The following KLHL20 variants were observed in gnomAD, a reference collection of about 807,000 sequenced individuals.
KLHL20 encodes kelch like family member 20, also known as kelch-like protein 20.
A neutral mutation model predicts 69.5 loss-of-function variants in KLHL20; 29 were observed. That is an observed-to-expected ratio of 0.42 (90% CI 0.31 to 0.57). KLHL20 has a LOEUF of 0.57. Among genes scored for constraint, KLHL20 ranks in the 20% least tolerant of loss-of-function variants. KLHL20 has a pLI of 0.18. For synonymous variants in KLHL20, 253 were observed against 265.2 expected (o/e 0.95, Z 0.45); for missense variants, 419 against 776.0 (o/e 0.54, Z 5.47).
chr1:173,763,280 A>G (rs541962867), intron 7 of KLHL20, among the ~76,000 whole-genome samples: 4 of 152,370 alleles, frequency 2.6e-5, no homozygotes, highest in Non-Finnish European at 5.9e-5. Flanking sequence ...ATGGATGGGT[A>G]GAATCAATAT....
At chr1:173,758,261 A>G (rs887528583) in intron 7 of KLHL20, among the ~76,000 whole-genome samples, 1 of 151,116 alleles carries the variant, frequency 6.6e-6, no homozygotes, top group Non-Finnish European at 1.5e-5. Context: ...ACAGAGCAAG[A>G]CTCTCTCAAA....
chr1:173,771,336 C>A (rs966281036), intron 8 of KLHL20, among the ~76,000 whole-genome samples: 1 of 152,062 alleles, frequency 6.6e-6, no homozygotes, highest in African/African-American at 2.4e-5. Flanking sequence ...ACTAGGAGTT[C>A]AAGGCTGCAG....
At chr1:173,724,015 A>C (rs946829617) in intron 2 of KLHL20, among the ~76,000 whole-genome samples, 3 of 152,146 alleles carry the variant, frequency 2.0e-5, no homozygotes, top group Non-Finnish European at 4.4e-5. Flanking sequence ...TTGAGGTATA[A>C]TTGAGGTACA....
At chr1:173,769,778 C>T in intron 8 of KLHL20, among the ~76,000 whole-genome samples, 1 of 109,288 alleles carries the variant, frequency 9.2e-6, no homozygotes, top group African/African-American at 4.0e-5. Flanking sequence ...GAGACCCTGT[C>T]TCAAAAAAAA....
intron 2 of KLHL20, among the ~76,000 whole-genome samples, chr1:173,722,601 A>G (rs977974639): frequency 4.6e-5 from 7 of 152,040 alleles, no homozygotes; most frequent in African/African-American, 1.7e-4. Flanking sequence ...TCAGTGACAG[A>G]GCAATACCTT....
At chr1:173,778,078 T>TA (rs1313531789) in intron 10 of KLHL20, among the ~76,000 whole-genome samples, 1 of 152,152 alleles carries the variant, frequency 6.6e-6, no homozygotes, top group African/African-American at 2.4e-5. Flanking sequence ...TTCTTTTTTT[T>TA]ATTATACTTT....
At chr1:173,739,353 C>G (rs1156738870) in intron 3 of KLHL20, among the ~76,000 whole-genome samples, 2 of 152,030 alleles carry the variant, frequency 1.3e-5, no homozygotes, top group Admixed American at 1.3e-4. Context: ...ATTACAGGCA[C>G]GAGCCATCAC....
intron 3 of KLHL20, among the ~76,000 whole-genome samples, chr1:173,750,235 T>C (rs1489277067): frequency 6.6e-6 from 1 of 152,270 alleles, no homozygotes; most frequent in East Asian, 1.9e-4. Flanking sequence ...GCTATAAATA[T>C]AACTGGCCTT....
chr1:173,740,386 A>G (rs1392379933), intron 3 of KLHL20, among the ~76,000 whole-genome samples: 1 of 151,912 alleles, frequency 6.6e-6, no homozygotes, highest in Non-Finnish European at 1.5e-5. Flanking sequence ...CTGGGATTAC[A>G]AGTGTGAGCC....
chr1:173,738,190 A>G (rs1382158365), intron 3 of KLHL20, among the ~76,000 whole-genome samples: 1 of 152,006 alleles, frequency 6.6e-6, no homozygotes, highest in Non-Finnish European at 1.5e-5. Flanking sequence ...AACAATTTGG[A>G]TGCTCTTTAT....
chr1:173,769,353 C>G (rs1647937490), intron 8 of KLHL20, among the ~76,000 whole-genome samples: 1 of 152,096 alleles, frequency 6.6e-6, no homozygotes, highest in African/African-American at 2.4e-5. Context: ...TGGGAACTCT[C>G]AAAACTGACC....
At chr1:173,722,408 G>A (rs1412894015) in intron 2 of KLHL20, among the ~76,000 whole-genome samples, 1 of 151,978 alleles carries the variant, frequency 6.6e-6, no homozygotes, top group African/African-American at 2.4e-5. Context: ...GATCACTTGA[G>A]GCCAGGAGTT....
intron 2 of KLHL20, among the ~76,000 whole-genome samples, chr1:173,726,334 A>G (rs1671957260): frequency 6.7e-6 from 1 of 149,258 alleles, no homozygotes; most frequent in South Asian, 2.1e-4. Flanking sequence ...GGCATAGCCA[A>G]AAAAAAAAAG....
Position 173,785,802 on chromosome 1 carries a change from A to C in KLHL20, c.*555A>C, listed in dbSNP as rs1649172863. 6.6e-6 allele frequency: 1 copy of C among 152,096 alleles called. No individual in the cohort carries two copies. Among genetic ancestry groups the C allele is most frequent in the Non-Finnish European group, 1.5e-5 (1 of 67,986 alleles). 9.4% of individuals were successfully genotyped at this position (152,096 alleles called of 1,614,324 possible). On this transcript the variant is annotated 3_prime_UTR_variant, in exon 12 of 12. Transcript: ENST00000209884. Reference sequence around the variant, plus strand: ...GCAACATCTCATTTTAAATAGTACAATTCAGAAGGGATACTAAATCAATAA... The same window carrying C: ...GCAACATCTCATTTTAAATAGTACACTTCAGAAGGGATACTAAATCAATAA...
At chr1:173,725,740 A>G (rs1420760992) in intron 2 of KLHL20, among the ~76,000 whole-genome samples, 1 of 152,172 alleles carries the variant, frequency 6.6e-6, no homozygotes, top group East Asian at 1.9e-4. Flanking sequence ...TGCTTCTCTA[A>G]AGCCTCTGTT....
chr1:173,740,749 A>ACTTTCAGGCCTTGCCC (rs1672768753), intron 3 of KLHL20, among the ~76,000 whole-genome samples: 1 of 151,200 alleles, frequency 6.6e-6, no homozygotes, highest in South Asian at 2.1e-4. Flanking sequence ...AGCAGGCAGG[A>ACTTTCAGGCCTTGCCC]CTTTCAGGCC....
intron 7 of KLHL20, among the ~76,000 whole-genome samples, chr1:173,761,739 G>A (rs185842807): frequency 5.9e-5 from 9 of 152,210 alleles, no homozygotes; most frequent in Admixed American, 6.6e-5. Context: ...CAGCAAAGGC[G>A]GTGCTAAGAG....
intron 10 of KLHL20, among the ~76,000 whole-genome samples, chr1:173,778,507 TG>T (rs982048981): frequency 2.8e-5 from 4 of 141,336 alleles, no homozygotes; most frequent in African/African-American, 7.4e-5. Flanking sequence ...TTTTGTTTTT[TG>T]TTTTTTTTTT....
intron 3 of KLHL20, among the ~76,000 whole-genome samples, chr1:173,743,677 T>G (rs1413473222): frequency 6.6e-6 from 1 of 152,104 alleles, no homozygotes; most frequent in Non-Finnish European, 1.5e-5. Flanking sequence ...TATTTATTAT[T>G]TTGATGCATG....
Sources: allele counts gnomAD v4.1 joint callset (sites outside exome capture counted in the v4.1 genomes callset), GRCh38; gene constraint gnomAD v4.1.1; transcripts MANE v1.5; gene names NCBI Gene and HGNC (gene_info 2026-07-23, HGNC 2026-07-21).